Variants in VPS13C observed in about 807,000 individuals in gnomAD.
VPS13C encodes intermembrane lipid transfer protein VPS13C.
In VPS13C, 358 loss-of-function variants were observed where a neutral mutation model predicts 456.8. That is an observed-to-expected ratio of 0.78 (90% CI 0.72 to 0.86). VPS13C has a LOEUF of 0.86. Among genes scored for constraint, VPS13C ranks in the 40% least tolerant of loss-of-function variants. VPS13C has a pLI of 0.00. For missense variants in VPS13C, 4,818 were observed against 4,385.4 expected (o/e 1.10, Z -2.79); for synonymous variants, 1,578 against 1,486.7 (o/e 1.06, Z -1.41).
intron 14 of VPS13C, 47 bp downstream of exon 14, chr15:62,008,608 A>G (rs1004259548): frequency 9.5e-6 from 13 of 1,363,334 alleles, no homozygotes; most frequent in Non-Finnish European, 1.3e-5. Context: ...GTAACTAAAT[A>G]TATGATTATA....
chr15:61,883,594 G>C (rs1325428302), intron 68 of VPS13C, among the ~76,000 whole-genome samples: 1 of 152,092 alleles, frequency 6.6e-6, no homozygotes, highest in East Asian at 1.9e-4. Flanking sequence ...GTGACTTTTA[G>C]TCTTAACTGT....
chr15:61,926,691 T>C (rs1265971192), intron 52 of VPS13C, among the ~76,000 whole-genome samples: 2 of 152,206 alleles, frequency 1.3e-5, no homozygotes, highest in African/African-American at 4.8e-5. Flanking sequence ...ACATTCACTT[T>C]TAATAACAGC....
intron 16 of VPS13C, 137 bp from the exon 17 acceptor site, chr15:61,991,939 G>T: frequency 3.2e-6 from 3 of 930,572 alleles, no homozygotes; most frequent in Non-Finnish European, 4.6e-6. Flanking sequence ...GATCTTAAAT[G>T]ATGCTCACAA....
rs374207023 is a variant in VPS13C at position 61,917,496 on chromosome 15, A to G, written c.7900T>C (p.Phe2634Leu). 3 of 1,613,978 alleles carry G rather than the reference A, an allele frequency of 1.9e-6. No individual in the cohort carries two copies. Among genetic ancestry groups the G allele is most frequent in the African/African-American group, 2.7e-5 (2 of 74,952 alleles). ...ACTGTATTCACTATGAGAGGTAAGAAGCTGACTTCTACTGATGGACACTGC... is the reference window on the plus strand; with the variant it reads ...ACTGTATTCACTATGAGAGGTAAGAGGCTGACTTCTACTGATGGACACTGC... The part of the protein sequence containing the change: ...MLQCPSVEVS[F>L]LPLIVNTVAL... The change falls in exon 60 of 85, where the codon TTC (phenylalanine) becomes CTC (leucine). Residue 2634 changes from phenylalanine (F) to leucine (L), a missense_variant. By Grantham distance (22) the Phe-to-Leu change is conservative. Around this residue, in one of 3 missense-constraint regions of VPS13C, gnomAD observed 4,552 missense variants for 4,130.6 expected, o/e 1.10. Coordinates refer to ENST00000644861, the MANE Select transcript of VPS13C (RefSeq NM_020821.3).
chr15:61,931,095 T>C lies in VPS13C; in HGVS notation c.6033A>G (p.Thr2011=), dbSNP rs771869076. The change falls in exon 50 of 85, where the codon ACA becomes ACG. Residue 2011 remains threonine (T), a synonymous_variant. Transcript: ENST00000644861. Reference sequence around the variant, plus strand: ...CAAACTCAGAGCTGACAAACCTCGATGTTGCTCTCTCAATTCCTTCTCTGA... The same window carrying C: ...CAAACTCAGAGCTGACAAACCTCGACGTTGCTCTCTCAATTCCTTCTCTGA... The part of the protein sequence containing the change: ...DDLREGIERA[T]SRMIDRKNDQ... 1.2e-6 allele frequency: 2 copies of C among 1,614,050 alleles called. No homozygotes were observed. Among genetic ancestry groups the C allele is most frequent in the South Asian group, 1.1e-5 (1 of 91,082 alleles).
At chr15:62,016,992 C>A (rs947556835) in intron 9 of VPS13C, among the ~76,000 whole-genome samples, 13 of 152,028 alleles carry the variant, frequency 8.6e-5, no homozygotes, top group South Asian at 2.1e-4. Flanking sequence ...TATCTCATTG[C>A]GGTTTTGATT....
chr15:61,881,073 T>A (rs1895813632), intron 71 of VPS13C, 119 bp from the exon 72 acceptor site: 1 of 790,112 alleles, frequency 1.3e-6, no homozygotes, highest in Non-Finnish European at 1.9e-6. Flanking sequence ...CTCCTAAAAA[T>A]TATGTTAATA....
intron 35 of VPS13C, among the ~76,000 whole-genome samples, chr15:61,961,234 C>CA (rs2045189133): frequency 3.4e-5 from 5 of 145,430 alleles, no homozygotes; most frequent in Non-Finnish European, 6.1e-5. Context: ...ATTAAAAATA[C>CA]AAAAAAAATT....
At chr15:61,945,686 G>A (rs757310184) in intron 45 of VPS13C, 29 bp downstream of exon 45, 42 of 1,531,400 alleles carry the variant, frequency 2.7e-5, no homozygotes, top group Non-Finnish European at 3.2e-5. Context: ...AGGCCTCAGT[G>A]AGGAATAAAT....
intron 49 of VPS13C, 147 bp downstream of exon 49, chr15:61,934,072 A>T: frequency 2.3e-6 from 1 of 437,492 alleles, no homozygotes; most frequent in Non-Finnish European, 4.0e-6. Context: ...AGAGGGCAGG[A>T]CCAATGCACA....
intron 29 of VPS13C, among the ~76,000 whole-genome samples, chr15:61,966,375 G>C (rs1248843237): frequency 6.6e-6 from 1 of 151,754 alleles, no homozygotes; most frequent in East Asian, 1.9e-4. Flanking sequence ...GGAAACTGTA[G>C]CTAAGAATCA....
At chr15:61,965,769 C>A (rs778918195) in intron 30 of VPS13C, among the ~76,000 whole-genome samples, 7 of 151,828 alleles carry the variant, frequency 4.6e-5, no homozygotes, top group Non-Finnish European at 1.0e-4. Context: ...GTACATCAAA[C>A]AATGGTATCT....
At position 61,873,377 on chromosome 15, in the gene VPS13C, C is replaced by A. The variant is rs141927486; in HGVS notation, c.10447G>T (p.Gly3483Cys). ...GAAGVVSRIT[G>C]SVGKGLAAIT... is the part of the protein sequence containing the mutation. ...GCTGCCAAACCTTTCCCAACAGAAC[C>A]GGTGATTCGAGATACAACTCCTGCT... is the stretch of plus-strand genomic sequence containing the variant. The change falls in exon 78 of 85, where the codon GGT becomes TGT. Residue 3483 changes from glycine to cysteine, a missense_variant. By Grantham distance (159) the Gly-to-Cys change is radical. Around this residue, in one of 3 missense-constraint regions of VPS13C, gnomAD observed 4,552 missense variants for 4,130.6 expected, o/e 1.10. Coordinates refer to ENST00000644861, the MANE Select transcript of VPS13C (RefSeq NM_020821.3). The A allele has an allele frequency of 3.5e-5, 56 of 1,613,420 alleles. No individual in the cohort carries two copies. The highest frequency in any genetic ancestry group is 4.5e-5 in the Non-Finnish European group (53 of 1,179,710).
At position 61,900,299 on chromosome 15, in the gene VPS13C, A is replaced by G. The variant is rs2042957131; in HGVS notation, c.9105+6965T>C. On this transcript the variant is annotated intron_variant, in intron 66 of 84. Transcript: ENST00000644861. ...AGGAGAAGGAACTAAAGGGTATTCAATTAGGAAAAGAGGAAGTCAAATTGT... is the reference window on the plus strand; with the variant it reads ...AGGAGAAGGAACTAAAGGGTATTCAGTTAGGAAAAGAGGAAGTCAAATTGT... Among the ~76,000 whole-genome samples the G allele has an allele frequency of 2.0e-5, 3 of 152,320 alleles. No individual in the cohort carries two copies. In the Middle Eastern group the frequency reaches 0.01, roughly 518 times the overall value.
chr15:61,914,751 G>A (rs1297495040), intron 61 of VPS13C, among the ~76,000 whole-genome samples: 1 of 151,040 alleles, frequency 6.6e-6, no homozygotes, highest in East Asian at 2.0e-4. Context: ...AGTAGAGACG[G>A]GGTTTCACCA....
chr15:62,001,065 T>C (rs2046595344), intron 15 of VPS13C, among the ~76,000 whole-genome samples: 1 of 152,150 alleles, frequency 6.6e-6, no homozygotes, highest in Non-Finnish European at 1.5e-5. Context: ...AATCAATAAT[T>C]AGGCTAAAGT....
chr15:62,055,635 A>C (rs1344658229), intron 1 of VPS13C, among the ~76,000 whole-genome samples: 1 of 152,068 alleles, frequency 6.6e-6, no homozygotes, highest in Non-Finnish European at 1.5e-5. Context: ...TCATGTTAAC[A>C]CAATATTTCG....
At chr15:61,922,070 T>C (rs2043676122) in intron 54 of VPS13C, 37 bp from the exon 55 acceptor site, 1 of 1,590,218 alleles carries the variant, frequency 6.3e-7, no homozygotes. Context: ...GACAGTCCTT[T>C]GGCTTTAATT....
intron 40 of VPS13C, 32 bp from the exon 41 acceptor site, chr15:61,950,449 T>G: frequency 2.0e-6 from 3 of 1,519,480 alleles, no homozygotes; most frequent in Non-Finnish European, 2.7e-6. Flanking sequence ...ACCACTGAGT[T>G]TCAAACACTA....
Sources: allele counts gnomAD v4.1 joint callset (sites outside exome capture counted in the v4.1 genomes callset), GRCh38; gene constraint gnomAD v4.1.1; regional missense constraint gnomAD v4.1.1; transcripts MANE v1.5; gene names NCBI Gene and HGNC (gene_info 2026-07-23, HGNC 2026-07-21).